CYP4F3: variants seen among roughly 807,000 people sequenced by gnomAD.
CYP4F3 encodes cytochrome P450 4F3.
CYP4F3 carries 50 observed loss-of-function variants against 54.8 expected under a neutral mutation model. The observed-to-expected ratio is 0.91, with a 90% CI of 0.73 to 1.16. CYP4F3 has a LOEUF of 1.16. Among genes scored for constraint, CYP4F3 ranks in the 50% most tolerant of loss-of-function variants. CYP4F3 has a pLI of 0.00. For synonymous variants in CYP4F3, 244 were observed against 262.6 expected (o/e 0.93, Z 0.69); for missense variants, 715 against 676.2 (o/e 1.06, Z -0.64).
At chr19:15,641,694 G>A (rs1972470070) in intron 2 of CYP4F3, 81 bp downstream of exon 2, 1 of 1,360,838 alleles carries the variant, frequency 7.3e-7, no homozygotes, top group East Asian at 2.4e-5. Flanking sequence ...CAGGTGAGAG[G>A]GGGTGGGCTG....
chr19:15,650,503 T>C (rs1468840840), intron 7 of CYP4F3, among the ~76,000 whole-genome samples: 1 of 152,218 alleles, frequency 6.6e-6, no homozygotes, highest in Non-Finnish European at 1.5e-5. Flanking sequence ...TGTCTTTCTG[T>C]ATCTTTGTCT....
chr19:15,652,227 C>T (rs967663526), intron 7 of CYP4F3, among the ~76,000 whole-genome samples: 3 of 152,172 alleles, frequency 2.0e-5, no homozygotes, highest in African/African-American at 7.2e-5. Flanking sequence ...AATACTTAAT[C>T]TCTAATTTCC....
At chr19:15,651,050 AT>A (rs750944482) in intron 7 of CYP4F3, among the ~76,000 whole-genome samples, 6 of 151,226 alleles carry the variant, frequency 4.0e-5, no homozygotes, top group Non-Finnish European at 5.9e-5. Context: ...TAACTTTTGC[AT>A]TTTTAGTAGA....
intron 2 of CYP4F3, among the ~76,000 whole-genome samples, chr19:15,644,559 G>A (rs1972568808): frequency 1.3e-5 from 2 of 151,582 alleles, no homozygotes; most frequent in South Asian, 4.2e-4. Flanking sequence ...GCCAGGTCTA[G>A]CGTCACCTTG....
intron 5 of CYP4F3, 134 bp downstream of exon 5, chr19:15,647,458 T>A: frequency 2.1e-6 from 3 of 1,438,846 alleles, no homozygotes; most frequent in Non-Finnish European, 1.9e-6. Context: ...GGTTTCCTCA[T>A]CTGTAAAATC....
Position 15,659,648 on chromosome 19 carries a change from A to T in CYP4F3, c.*263A>T. 1.8e-6 allele frequency: 1 copy of T among 545,748 alleles called. No individual in the cohort carries two copies. The highest frequency in any genetic ancestry group is 3.2e-6 in the Non-Finnish European group (1 of 314,504). The allele number at this position is 545,748 out of a possible 1,614,324, so 33.8% of individuals were successfully genotyped here. A position where few individuals can be genotyped will look rare whatever the true frequency, so the allele number is the denominator to read the frequency against. On this transcript the variant is annotated 3_prime_UTR_variant, in exon 13 of 13. Transcript: ENST00000221307. ...GATAAACAAAATATGGTCCATCCAT[A>T]CAATGGAGTATTACACAGCCATAAA...
chr19:15,649,292 G>A lies in CYP4F3; in HGVS notation c.647+11G>A, dbSNP rs1271289383. On this transcript the variant is annotated intron_variant, in intron 6 of 12. Transcript: ENST00000221307. ...CAGCCATTGCCAGGAGTAAGTTCTT[G>A]CCCAGGGTCTGGGATCCTGGGCCGT... The A allele has an allele frequency of 1.9e-6, 3 of 1,612,562 alleles. No individual in the cohort carries two copies. The highest frequency in any genetic ancestry group is 2.5e-6 in the Non-Finnish European group (3 of 1,179,022).
intron 2 of CYP4F3, among the ~76,000 whole-genome samples, chr19:15,643,324 A>AATG (rs1972522334): frequency 7.7e-5 from 11 of 143,670 alleles, no homozygotes; most frequent in Admixed American, 7.1e-5. Context: ...TTAGATAGAT[A>AATG]GATAGATAGA....
In CYP4F3 at chr19:15,652,965, G is replaced by A. The variant is rs4646511; in HGVS notation, c.1115+13G>A. ...AAGAGATTGAATGGTGAGTGCAGGT[G>A]CTGGTGCCCTGTTCCTGAGCCTGTC... On this transcript the variant is annotated intron_variant, in intron 9 of 12. Coordinates refer to ENST00000221307, the MANE Select transcript of CYP4F3 (RefSeq NM_000896.3). The A allele has an allele frequency of 0.17, 263,443 of 1,595,262 alleles. 23,319 individuals carry two copies. Among genetic ancestry groups the A allele is most frequent in the Middle Eastern group, 0.21 (1,246 of 5,948 alleles).
intron 2 of CYP4F3, chr19:15,644,045 G>C (rs756016922): frequency 3.2e-6 from 5 of 1,583,530 alleles, no homozygotes; most frequent in Non-Finnish European, 4.3e-6. Context: ...TGTCATCAAC[G>C]CCTCAGGTAC....
At chr19:15,659,092 C>A in intron 12 of CYP4F3, 128 bp from the exon 13 acceptor site, 1 of 1,345,730 alleles carries the variant, frequency 7.4e-7, no homozygotes, top group Admixed American at 2.6e-5. Context: ...GATCCAGGCA[C>A]GGATACCCCC....
chr19:15,641,751 C>T (rs1334334321), intron 2 of CYP4F3, 138 bp downstream of exon 2: 1 of 985,900 alleles, frequency 1.0e-6, no homozygotes, highest in African/African-American at 1.6e-5. Flanking sequence ...ACTCATTCCT[C>T]TGCTTACTCA....
At chr19:15,649,337 G>T (rs28371478) in intron 6 of CYP4F3, 56 bp downstream of exon 6, 22 of 1,609,350 alleles carry the variant, frequency 1.4e-5, no homozygotes, top group African/African-American at 8.0e-5. Context: ...GTTGGTAGGT[G>T]GGGGGCTGGG....
In CYP4F3 at chr19:15,645,729, C is replaced by T. The variant is rs138709476; in HGVS notation, c.209C>T (p.Ser70Leu). Residue 70 changes from serine (S) to leucine (L), a missense_variant, in exon 3 of 13, where the codon TCG (serine) becomes TTG (leucine). By Grantham distance (145) the Ser-to-Leu change is moderately radical. Coordinates refer to ENST00000221307, the MANE Select transcript of CYP4F3 (RefSeq NM_000896.3). ...FLGHLGLIHSSEEGLLYTQSL... is the reference protein window; with the variant it reads ...FLGHLGLIHSLEEGLLYTQSL... ...TGTCTTTCTCTCCAGATTCACAGCT[C>T]GGAGGAAGGTCTCCTATACACACAA... is the stretch of plus-strand genomic sequence containing the variant. The T allele has an allele frequency of 7.9e-4, 1,273 of 1,608,626 alleles. 10 individuals carry two copies. In the East Asian group the frequency reaches 0.022, roughly 28 times the overall value.
chr19:15,658,444 C>A, intron 10 of CYP4F3, 47 bp downstream of exon 10: 3 of 1,613,720 alleles, frequency 1.9e-6, no homozygotes, highest in Non-Finnish European at 2.5e-6. Flanking sequence ...GAAGAGGGGC[C>A]CCTCAGGCAG....
intron 2 of CYP4F3, among the ~76,000 whole-genome samples, chr19:15,644,557 T>C (rs1356332668): frequency 6.6e-6 from 1 of 151,836 alleles, no homozygotes; most frequent in Non-Finnish European, 1.5e-5. Context: ...TTGCCAGGTC[T>C]AGCGTCACCT....
Position 15,649,994 on chromosome 19 carries a change from A to ATT in CYP4F3, c.729_730insTT (p.Asp244LeufsTer62). On this transcript the variant is annotated frameshift_variant, in exon 7 of 13. Transcript: ENST00000221307. LOFTEE classifies it high-confidence loss of function. Reference sequence around the variant, plus strand: ...GACACCAGCAGATCCTCCTGTACATAGACTTCCTGTATTATCTCACCCCTG... The same window carrying ATT: ...GACACCAGCAGATCCTCCTGTACATATTGACTTCCTGTATTATCTCACCCCTG... 6.8e-6 allele frequency: 11 copies of ATT among 1,614,150 alleles called. No individual in the cohort carries two copies. Among genetic ancestry groups the ATT allele is most frequent in the East Asian group, 2.2e-5 (1 of 44,876 alleles).
At chr19:15,656,955 C>T (rs1327768981) in intron 9 of CYP4F3, among the ~76,000 whole-genome samples, 3 of 152,076 alleles carry the variant, frequency 2.0e-5, no homozygotes, top group Non-Finnish European at 2.9e-5. Context: ...TTTTATTCAG[C>T]TCATTTCTAT....
At chr19:15,646,525 G>T (rs903143982) in intron 3 of CYP4F3, among the ~76,000 whole-genome samples, 1 of 152,158 alleles carries the variant, frequency 6.6e-6, no homozygotes. Context: ...TGTGGAACAC[G>T]CTTTTAAGGT....
Sources: allele counts gnomAD v4.1 joint callset (sites outside exome capture counted in the v4.1 genomes callset), GRCh38; gene constraint gnomAD v4.1.1; transcripts MANE v1.5; gene names NCBI Gene and HGNC (gene_info 2026-07-23, HGNC 2026-07-21).